RGS7: variants seen among roughly 807,000 people sequenced by gnomAD.
RGS7 encodes regulator of G-protein signaling 7.
A neutral mutation model predicts 81.1 loss-of-function variants in RGS7; 27 were observed. The ratio of observed to expected loss-of-function variants is 0.33; its 90% CI spans 0.25 to 0.46. The LOEUF (loss-of-function observed/expected upper bound fraction) is 0.46. Ranked by LOEUF, RGS7 falls within the 20% of genes least tolerant of loss-of-function variation. The pLI is 1.00. For synonymous variants in RGS7, 208 were observed against 207.7 expected (o/e 1.00, Z -0.01); for missense variants, 396 against 607.4 (o/e 0.65, Z 3.66).
At chr1:241,077,368 A>C (rs2148886110) in intron 3 of RGS7, among the ~76,000 whole-genome samples, 1 of 152,338 alleles carries the variant, frequency 6.6e-6, no homozygotes, top group Non-Finnish European at 1.5e-5. Flanking sequence ...TAACTGGATA[A>C]AAATATGTTC....
chr1:241,051,945 G>A (rs554471316), intron 3 of RGS7, among the ~76,000 whole-genome samples: 31 of 152,214 alleles, frequency 2.0e-4, no homozygotes, highest in African/African-American at 6.0e-4. Flanking sequence ...ATCATGTGGC[G>A]CAGTCAGTCC....
At chr1:241,106,299 ACT>A (rs1425360860) in intron 2 of RGS7, among the ~76,000 whole-genome samples, 7 of 152,170 alleles carry the variant, frequency 4.6e-5, no homozygotes, top group Non-Finnish European at 8.8e-5. Flanking sequence ...AGAATTAATT[ACT>A]CTTTTCATAT....
At chr1:241,235,523 C>T (rs779082967) in intron 2 of RGS7, among the ~76,000 whole-genome samples, 4 of 152,114 alleles carry the variant, frequency 2.6e-5, no homozygotes, top group African/African-American at 9.7e-5. Flanking sequence ...ACTCCAACAA[C>T]GGTTATTGTT....
intron 2 of RGS7, among the ~76,000 whole-genome samples, chr1:241,258,110 T>G (rs1345700074): frequency 6.6e-6 from 1 of 152,224 alleles, no homozygotes; most frequent in Non-Finnish European, 1.5e-5. Flanking sequence ...TATAGTATTC[T>G]GGATTGGCAA....
chr1:240,800,730 A>G lies in RGS7; in HGVS notation c.1414-9T>C. 2.6e-6 allele frequency: 4 copies of G among 1,523,920 alleles called. No individual in the cohort carries two copies. The highest frequency in any genetic ancestry group is 3.6e-6 in the Non-Finnish European group (4 of 1,124,248). 94.4% of individuals were successfully genotyped at this position (1,523,920 alleles called of 1,614,324 possible). A position where few individuals can be genotyped will look rare whatever the true frequency, so the allele number is the denominator to read the frequency against. Reference sequence around the variant, plus strand: ...ATAGGGATGTTTCTGCCCTATAAAAATAAATGTGTTGAAGGCTTTAGTTTG... The same window carrying G: ...ATAGGGATGTTTCTGCCCTATAAAAGTAAATGTGTTGAAGGCTTTAGTTTG... On this transcript the variant is annotated splice_polypyrimidine_tract_variant and intron_variant, in intron 17 of 18. Transcript: ENST00000440928.
At chr1:240,805,479 C>G (rs770084147) in intron 15 of RGS7, among the ~76,000 whole-genome samples, 16 of 152,116 alleles carry the variant, frequency 1.1e-4, no homozygotes, top group Non-Finnish European at 1.9e-4. Context: ...TGAGAGAAGG[C>G]AGAAATTCAA....
chr1:241,301,839 A>G (rs535487064), intron 2 of RGS7, among the ~76,000 whole-genome samples: 1 of 152,374 alleles, frequency 6.6e-6, no homozygotes, highest in African/African-American at 2.4e-5. Flanking sequence ...CATTACCTTT[A>G]TCAATTCTAA....
At chr1:240,952,674 G>A (rs1679757929) in intron 4 of RGS7, among the ~76,000 whole-genome samples, 1 of 151,902 alleles carries the variant, frequency 6.6e-6, no homozygotes, top group African/African-American at 2.4e-5. Context: ...ATACAAATAT[G>A]TAAGAAGAAT....
intron 2 of RGS7, among the ~76,000 whole-genome samples, chr1:241,245,619 CA>C (rs768796281): frequency 6.9e-6 from 1 of 145,846 alleles, no homozygotes; most frequent in African/African-American, 2.6e-5. Flanking sequence ...CCAGCCTGAC[CA>C]ACATGGTGAA....
At chr1:240,775,314 G>A (rs1246387619), downstream of RGS7, among the ~76,000 whole-genome samples, 1 of 152,168 alleles carries the variant, frequency 6.6e-6, no homozygotes, top group Non-Finnish European at 1.5e-5. Flanking sequence ...TTCCATGGGA[G>A]AAAAAGGATT....
chr1:240,960,774 T>C (rs867539019), intron 4 of RGS7, among the ~76,000 whole-genome samples: 1 of 152,100 alleles, frequency 6.6e-6, no homozygotes, highest in Non-Finnish European at 1.5e-5. Context: ...AAAGTAACTA[T>C]AATAAATTCT....
intron 9 of RGS7, among the ~76,000 whole-genome samples, chr1:240,829,143 A>AT (rs201029934): frequency 6.4e-4 from 97 of 151,604 alleles, no homozygotes; most frequent in South Asian, 1.7e-3. Context: ...TGAGGAAAAC[A>AT]TTTTTTTTTG....
At chr1:240,874,242 G>A (rs2148048644) in intron 6 of RGS7, among the ~76,000 whole-genome samples, 1 of 152,200 alleles carries the variant, frequency 6.6e-6, no homozygotes, top group Middle Eastern at 3.4e-3. Flanking sequence ...CAAAACAAAA[G>A]GGTACCAAGT....
chr1:240,885,033 A>G (rs1387580803), intron 6 of RGS7, among the ~76,000 whole-genome samples: 1 of 152,244 alleles, frequency 6.6e-6, no homozygotes, highest in Non-Finnish European at 1.5e-5. Context: ...TCCAGCATCT[A>G]TAAGGAACTT....
chr1:240,991,297 C>T (rs1313490931), intron 3 of RGS7, among the ~76,000 whole-genome samples: 3 of 152,110 alleles, frequency 2.0e-5, no homozygotes, highest in Non-Finnish European at 4.4e-5. Flanking sequence ...CTCTTCAAAG[C>T]CCAAGAAGCT....
intron 2 of RGS7, among the ~76,000 whole-genome samples, chr1:241,148,019 T>C (rs1300296435): frequency 1.3e-5 from 2 of 148,408 alleles, no homozygotes; most frequent in African/African-American, 2.4e-5. Context: ...CTTGACTATA[T>C]GGTGTTTTCA....
intron 5 of RGS7, 117 bp downstream of exon 5, chr1:240,936,482 GC>G: frequency 1.3e-6 from 1 of 761,870 alleles, no homozygotes; most frequent in Non-Finnish European, 2.3e-6. Flanking sequence ...TTTCTAACTA[GC>G]CTAAGTCAAA....
In RGS7 at chr1:241,306,981, G is replaced by A. The variant is rs956416841; in HGVS notation, c.78+48718C>T. Among the ~76,000 whole-genome samples, 3 of 152,318 alleles carry A rather than the reference G, an allele frequency of 2.0e-5. 1 individual carries two copies. The South Asian group carries it at 6.2e-4, about 32-fold the overall frequency. On this transcript the variant is annotated intron_variant, in intron 2 of 18. Coordinates refer to ENST00000440928, the MANE Select transcript of RGS7 (RefSeq NM_001364886.1). ...AGATAGTTTGCAAGGGAGAAAGAGT[G>A]TAAAAATGAAAGAAAAGTACTTGCA...
intron 2 of RGS7, among the ~76,000 whole-genome samples, chr1:241,228,365 C>T (rs1362176046): frequency 6.6e-6 from 1 of 151,954 alleles, no homozygotes; most frequent in Non-Finnish European, 1.5e-5. Context: ...AGAAACGGTA[C>T]GCACAACAAA....
Sources: allele counts gnomAD v4.1 joint callset (sites outside exome capture counted in the v4.1 genomes callset), GRCh38; gene constraint gnomAD v4.1.1; transcripts MANE v1.5; gene names NCBI Gene and HGNC (gene_info 2026-07-23, HGNC 2026-07-21).